The following CNOT10 variants were observed in gnomAD, a reference collection of about 807,000 sequenced individuals.
The protein encoded by CNOT10 is CCR4-NOT transcription complex, subunit 10.
CNOT10 carries 30 observed loss-of-function variants against 94.6 expected under a neutral mutation model. The observed-to-expected ratio is 0.32, with a 90% CI of 0.24 to 0.43. The LOEUF (loss-of-function observed/expected upper bound fraction) is 0.43. CNOT10 is among the 20% of genes least tolerant of loss of function. The pLI is 1.00. For synonymous variants in CNOT10, 289 were observed against 301.6 expected (o/e 0.96, Z 0.43); for missense variants, 759 against 877.2 (o/e 0.87, Z 1.70).
chr3:32,728,332 A>C (rs982683418), intron 10 of CNOT10, among the ~76,000 whole-genome samples: 1 of 151,958 alleles, frequency 6.6e-6, no homozygotes, highest in African/African-American at 2.4e-5. Flanking sequence ...TCAAAAAGTC[A>C]TTTGTTGGCC....
At chr3:32,695,797 A>T (rs1350720306) in intron 1 of CNOT10, 7 of 1,535,986 alleles carry the variant, frequency 4.6e-6, no homozygotes, top group Non-Finnish European at 6.1e-6. Context: ...AAATAAAGAA[A>T]TGCTGTGGGA....
chr3:32,715,504 A>G (rs1698080638), intron 5 of CNOT10, among the ~76,000 whole-genome samples: 1 of 152,194 alleles, frequency 6.6e-6, no homozygotes, highest in South Asian at 2.1e-4. Context: ...AGAACTTTGA[A>G]TACTAGAAAG....
intron 7 of CNOT10, among the ~76,000 whole-genome samples, chr3:32,717,555 A>T (rs538628146): frequency 8.5e-5 from 13 of 152,324 alleles, no homozygotes; most frequent in Admixed American, 4.6e-4. Context: ...AGGTTATTTT[A>T]GAATTTTTTA....
In CNOT10 at chr3:32,764,785, C is replaced by T. The variant is rs1163406906; in HGVS notation, c.1980C>T (p.Asp660=). Residue 660 remains aspartate (D), a synonymous_variant, in exon 17 of 19, where the codon GAC becomes GAT. Transcript: ENST00000328834. ...GSAYCLRSEY[D]KARKCLHQAA... Reference sequence around the variant, plus strand: ...CTTACTGCCTGAGGAGCGAATATGACAAAGCCCGAAAGTGTCTCCACCAGG... The same window carrying T: ...CTTACTGCCTGAGGAGCGAATATGATAAAGCCCGAAAGTGTCTCCACCAGG... 5.0e-6 allele frequency: 8 copies of T among 1,614,072 alleles called. No homozygotes were observed. The highest frequency in any genetic ancestry group is 6.8e-6 in the Non-Finnish European group (8 of 1,180,050).
At chr3:32,712,137 T>C (rs1368826289) in intron 4 of CNOT10, among the ~76,000 whole-genome samples, 1 of 151,546 alleles carries the variant, frequency 6.6e-6, no homozygotes, top group African/African-American at 2.4e-5. Flanking sequence ...CTTGCTGCTT[T>C]TGCTTCTGTA....
intron 1 of CNOT10, among the ~76,000 whole-genome samples, chr3:32,702,328 C>T (rs1369103692): frequency 6.6e-6 from 1 of 152,142 alleles, no homozygotes; most frequent in Non-Finnish European, 1.5e-5. Flanking sequence ...CACACTTTTG[C>T]TCTGAGTAGT....
At chr3:32,697,188 G>T (rs957754521) in intron 1 of CNOT10, among the ~76,000 whole-genome samples, 1 of 152,092 alleles carries the variant, frequency 6.6e-6, no homozygotes, top group Non-Finnish European at 1.5e-5. Context: ...GACCTCAGGT[G>T]ATCTGCCCAC....
rs1328240493 is a variant in CNOT10, at chr3:32,758,887, A to G, written c.1596-571A>G. Among the ~76,000 whole-genome samples, 5 of 152,182 alleles carry G rather than the reference A, an allele frequency of 3.3e-5. No individual in the cohort carries two copies. The East Asian group carries it at 9.6e-4, about 29-fold the overall frequency. ...TTTTTTCCTTCAGTATTCCTTTAGAAGAATAGTAACTGTGTGAATAAAACT... is the reference window on the plus strand; with the variant it reads ...TTTTTTCCTTCAGTATTCCTTTAGAGGAATAGTAACTGTGTGAATAAAACT... On this transcript the variant is annotated intron_variant, in intron 13 of 18. Transcript: ENST00000328834.
intron 13 of CNOT10, among the ~76,000 whole-genome samples, chr3:32,744,252 T>G (rs1699601072): frequency 6.6e-6 from 1 of 152,200 alleles, no homozygotes. Context: ...ATTTCTGACC[T>G]GAACTCTTTT....
chr3:32,754,730 C>G (rs1700146863), intron 13 of CNOT10, among the ~76,000 whole-genome samples: 1 of 148,050 alleles, frequency 6.8e-6, no homozygotes, highest in Non-Finnish European at 1.5e-5. Context: ...CCATGTTAGT[C>G]AGGCTGGTCT....
rs771786675 is a variant in CNOT10 at position 32,725,542 on chromosome 3, G to T, written c.955G>T (p.Ala319Ser). The T allele has an allele frequency of 1.2e-5, 19 of 1,614,094 alleles. No individual in the cohort carries two copies. Among genetic ancestry groups the T allele is most frequent in the Non-Finnish European group, 1.5e-5 (18 of 1,179,970 alleles). ...HNLGIFYFKKALQENDNVCAQ... is the reference protein window; with the variant it reads ...HNLGIFYFKKSLQENDNVCAQ... ...TTTGGGAATATTCTACTTTAAAAAG[G>T]CTCTGCAAGAGAATGACAATGTCTG... Residue 319 changes from alanine to serine, a missense_variant, in exon 9 of 19, where the codon GCT becomes TCT. Around this residue, in one of 3 missense-constraint regions of CNOT10, gnomAD observed 682 missense variants for 799.4 expected, o/e 0.85. Transcript: ENST00000328834.
chr3:32,717,881 T>TA (rs994739051), intron 7 of CNOT10, among the ~76,000 whole-genome samples: 3 of 151,582 alleles, frequency 2.0e-5, no homozygotes, highest in Non-Finnish European at 2.9e-5. Context: ...ATTTTTTAAA[T>TA]AAAAAAAAAT....
chr3:32,717,073 G>C (rs764295202), intron 6 of CNOT10, 81 bp from the exon 7 acceptor site: 11 of 735,600 alleles, frequency 1.5e-5, no homozygotes, highest in Admixed American at 2.8e-5. Context: ...GTTGTAAATA[G>C]ATTGGGTTTT....
chr3:32,769,782 G>C, intron 17 of CNOT10, 105 bp from the exon 18 acceptor site: 1 of 856,408 alleles, frequency 1.2e-6, no homozygotes, highest in Non-Finnish European at 2.0e-6. Flanking sequence ...AGTCACGTGG[G>C]AATGAGCTTG....
In CNOT10 at chr3:32,725,440, T is replaced by A. The variant is rs1306671327; in HGVS notation, c.863-10T>A. 6.2e-7 allele frequency: 1 copy of A among 1,610,850 alleles called. No homozygotes were observed. Among genetic ancestry groups the A allele is most frequent in the African/African-American group, 1.3e-5 (1 of 74,796 alleles). ...TTTTCTGTGGACAAATTTATTTGCA[T>A]TTTTTTCAGGTGAATGCTTGAGATG... On this transcript the variant is annotated splice_polypyrimidine_tract_variant and intron_variant, in intron 8 of 18. Transcript: ENST00000328834.
intron 8 of CNOT10, among the ~76,000 whole-genome samples, chr3:32,724,626 A>T (rs1287161795): frequency 6.6e-6 from 1 of 151,958 alleles, no homozygotes; most frequent in Non-Finnish European, 1.5e-5. Context: ...GTTAGCGAGG[A>T]TGGTCTCCAT....
intron 13 of CNOT10, among the ~76,000 whole-genome samples, chr3:32,745,026 G>A (rs999568668): frequency 1.4e-4 from 22 of 152,188 alleles, no homozygotes; most frequent in Middle Eastern, 3.4e-3. Context: ...TTACAGGCGT[G>A]TGCCACAATG....
chr3:32,713,212 T>G lies in CNOT10; in HGVS notation c.431-15T>G. 1 of 1,555,612 alleles carries G rather than the reference T, an allele frequency of 6.4e-7. No individual in the cohort carries two copies. The highest frequency in any genetic ancestry group is 2.3e-5 in the Admixed American group (1 of 43,018). ...TAGGTTGTGACTATTCTTTTCTGTG[T>G]TTTTTTTCTCCCAGAAGAAAAATTT... is the stretch of plus-strand genomic sequence containing the variant. On this transcript the variant is annotated splice_polypyrimidine_tract_variant and intron_variant, in intron 4 of 18. Coordinates refer to ENST00000328834, the MANE Select transcript of CNOT10 (RefSeq NM_015442.3).
intron 13 of CNOT10, among the ~76,000 whole-genome samples, chr3:32,749,597 A>G (rs1438559649): frequency 6.6e-6 from 1 of 151,762 alleles, no homozygotes; most frequent in Non-Finnish European, 1.5e-5. Flanking sequence ...TTTAGTAGAG[A>G]CAGGATTTCC....
Sources: gnomAD v4.1 joint callset for allele counts (sites outside exome capture counted in the v4.1 genomes callset) on GRCh38, gnomAD v4.1.1 for gene constraint, gnomAD v4.1.1 regional missense constraint, MANE v1.5 for transcripts, NCBI Gene and HGNC (gene_info 2026-07-23, HGNC 2026-07-21) for gene names.